NR5A2: variants seen among roughly 807,000 people sequenced by gnomAD.
NR5A2 encodes the protein nuclear receptor subfamily 5 group A member 2, also known as CYP7A promoter-binding factor.
NR5A2 carries 26 observed loss-of-function variants against 62.7 expected under a neutral mutation model. That is an observed-to-expected ratio of 0.41 (90% confidence interval 0.30 to 0.58). NR5A2 has a LOEUF of 0.58. Ranked by LOEUF, NR5A2 falls within the 20% of genes least tolerant of loss-of-function variation. NR5A2 has a pLI of 0.22. For missense variants in NR5A2, 541 were observed against 669.1 expected (o/e 0.81, Z 2.11); for synonymous variants, 246 against 241.7 (o/e 1.02, Z -0.16).
chr1:200,121,027 G>A, intron 7 of NR5A2, 72 bp downstream of exon 7: 2 of 1,533,950 alleles, frequency 1.3e-6, no homozygotes, highest in Non-Finnish European at 1.8e-6. Flanking sequence ...AATATCTTGT[G>A]GTCCATGTAT....
intron 2 of NR5A2, among the ~76,000 whole-genome samples, chr1:200,040,976 G>A (rs1662042791): frequency 6.6e-6 from 1 of 152,248 alleles, no homozygotes; most frequent in Non-Finnish European, 1.5e-5. Context: ...AAGCCCCGGA[G>A]GCTGACCTGT....
intron 7 of NR5A2, among the ~76,000 whole-genome samples, chr1:200,137,551 T>C (rs1044211887): frequency 1.3e-5 from 2 of 152,180 alleles, no homozygotes; most frequent in Non-Finnish European, 2.9e-5. Flanking sequence ...AATTTGATAA[T>C]TGATTGAAAA....
chr1:200,165,684 C>G (rs942622032), intron 7 of NR5A2, among the ~76,000 whole-genome samples: 1 of 152,154 alleles, frequency 6.6e-6, no homozygotes, highest in Non-Finnish European at 1.5e-5. Flanking sequence ...GCCAACAGCT[C>G]GTTTCATTTT....
At chr1:200,098,758 T>A (rs1241095636) in intron 5 of NR5A2, among the ~76,000 whole-genome samples, 1 of 152,232 alleles carries the variant, frequency 6.6e-6, no homozygotes, top group Admixed American at 6.5e-5. Flanking sequence ...TGTAACAGGA[T>A]GGGGGTGTCC....
At chr1:200,103,144 G>GTT (rs1665469826) in intron 5 of NR5A2, among the ~76,000 whole-genome samples, 1 of 48,978 alleles carries the variant, frequency 2.0e-5, no homozygotes, top group African/African-American at 7.7e-5. Flanking sequence ...TTTTTTTTGA[G>GTT]TTGGAGTCTC....
chr1:200,049,096 A>G (rs1313650815), intron 5 of NR5A2, among the ~76,000 whole-genome samples: 2 of 152,096 alleles, frequency 1.3e-5, no homozygotes, highest in African/African-American at 4.8e-5. Flanking sequence ...GAATATCTGT[A>G]TTCCTTTTAA....
intron 7 of NR5A2, among the ~76,000 whole-genome samples, chr1:200,135,873 T>A (rs1337144612): frequency 1.3e-5 from 2 of 152,230 alleles, no homozygotes; most frequent in Non-Finnish European, 2.9e-5. Context: ...GAAATGCCTC[T>A]TCTCAGATAC....
intron 5 of NR5A2, among the ~76,000 whole-genome samples, chr1:200,082,123 A>G (rs1304091230): frequency 1.3e-5 from 2 of 152,172 alleles, no homozygotes; most frequent in African/African-American, 4.8e-5. Flanking sequence ...CAGAGACAGC[A>G]TTCTCATTGG....
At chr1:200,150,092 A>T (rs1558169472) in intron 7 of NR5A2, among the ~76,000 whole-genome samples, 1 of 152,294 alleles carries the variant, frequency 6.6e-6, no homozygotes, top group East Asian at 1.9e-4. Flanking sequence ...ATAAACATTA[A>T]TTGCTTAGAA....
At chr1:200,097,082 T>C (rs1285188162) in intron 5 of NR5A2, among the ~76,000 whole-genome samples, 1 of 152,198 alleles carries the variant, frequency 6.6e-6, no homozygotes, top group African/African-American at 2.4e-5. Context: ...CTCTGAAAAA[T>C]GCTTTCCCTC....
intron 7 of NR5A2, among the ~76,000 whole-genome samples, chr1:200,164,268 G>T (rs928621833): frequency 2.6e-5 from 4 of 152,216 alleles, no homozygotes; most frequent in African/African-American, 7.2e-5. Flanking sequence ...CCAGTCTTAG[G>T]TATTTCTTTA....
At chr1:200,132,792 A>G (rs2816958) in intron 7 of NR5A2, among the ~76,000 whole-genome samples, 128,765 of 151,980 alleles carry the variant, frequency 0.85, 55,027 homozygotes, top group East Asian at 0.98. Context: ...GGGAAACTGC[A>G]TGGGATCACC....
intron 7 of NR5A2, among the ~76,000 whole-genome samples, chr1:200,169,274 C>T (rs1654061316): frequency 6.6e-6 from 1 of 151,954 alleles, no homozygotes; most frequent in African/African-American, 2.4e-5. Context: ...TATTTAAAAT[C>T]TTTAAAAAGA....
chr1:200,050,823 C>T (rs7518406), intron 5 of NR5A2, among the ~76,000 whole-genome samples: 38,430 of 152,014 alleles, frequency 0.25, 6,344 homozygotes, highest in African/African-American at 0.47. Context: ...ACCTGGGAGG[C>T]GGAGGTTGCG....
At chr1:200,042,418 A>G (rs1036532825) in intron 2 of NR5A2, among the ~76,000 whole-genome samples, 3 of 152,220 alleles carry the variant, frequency 2.0e-5, no homozygotes, top group African/African-American at 7.2e-5. Flanking sequence ...AGAACAAGTC[A>G]TCACTGCGGC....
chr1:200,036,269 C>G (rs187568278), intron 1 of NR5A2, among the ~76,000 whole-genome samples: 40 of 152,324 alleles, frequency 2.6e-4, no homozygotes, highest in African/African-American at 8.7e-4. Context: ...TCTTAGACAC[C>G]GCAAACTCGG....
intron 5 of NR5A2, among the ~76,000 whole-genome samples, chr1:200,052,423 C>T (rs1429343227): frequency 6.6e-6 from 1 of 152,172 alleles, no homozygotes; most frequent in Admixed American, 6.5e-5. Flanking sequence ...TAGGCTCAAG[C>T]AATCCTCCTG....
intron 5 of NR5A2, among the ~76,000 whole-genome samples, chr1:200,053,810 A>C (rs1173324916): frequency 6.6e-6 from 1 of 152,120 alleles, no homozygotes. Context: ...CTTTCAGGCC[A>C]CTGGGGTATC....
rs143043558 is a variant in NR5A2 at position 200,144,214 on chromosome 1, T to TTC, written c.1378+23278_1378+23279dup. On this transcript the variant is annotated intron_variant, in intron 7 of 7. Transcript: ENST00000367362. ...ACCGCCACCATCATCCCAGCACTGT[T>TTC]TCTCTCTCTCTCTCTCTCTCACACA... Among the ~76,000 whole-genome samples the TTC allele has an allele frequency of 7.4e-3, 999 of 135,430 alleles. 23 individuals are homozygous for TTC. Among genetic ancestry groups the TTC allele is most frequent in the African/African-American group, 0.027 (938 of 34,404 alleles). 88.8% of individuals were successfully genotyped at this position (135,430 alleles called of 152,430 possible). A position where few individuals can be genotyped will look rare whatever the true frequency, so the allele number is the denominator to read the frequency against.
Sources: gnomAD v4.1 joint callset for allele counts (sites outside exome capture counted in the v4.1 genomes callset) on GRCh38, gnomAD v4.1.1 for gene constraint, MANE v1.5 for transcripts, NCBI Gene and HGNC (gene_info 2026-07-23, HGNC 2026-07-21) for gene names.